The following ARHGAP39 variants were observed in gnomAD, a reference collection of about 807,000 sequenced individuals.
ARHGAP39 encodes the protein rho GTPase-activating protein 39.
ARHGAP39 carries 44 observed loss-of-function variants against 106.9 expected under a neutral mutation model. The ratio of observed to expected loss-of-function variants is 0.41; its 90% CI spans 0.32 to 0.53. ARHGAP39 has a LOEUF of 0.53. ARHGAP39 is among the 20% of genes least tolerant of loss of function. The pLI is 0.21. For missense variants in ARHGAP39, 1,496 were observed against 1,577.3 expected (o/e 0.95, Z 0.87); for synonymous variants, 768 against 693.2 (o/e 1.11, Z -1.69).
intron 6 of ARHGAP39, among the ~76,000 whole-genome samples, chr8:144,538,949 C>A (rs1817075032): frequency 6.7e-6 from 1 of 148,474 alleles, no homozygotes; most frequent in Non-Finnish European, 1.5e-5. Flanking sequence ...CCAGCCTTGG[C>A]CACTGGGAAC....
intron 3 of ARHGAP39, among the ~76,000 whole-genome samples, chr8:144,569,332 A>G (rs1168437980): frequency 6.6e-6 from 1 of 152,260 alleles, no homozygotes; most frequent in African/African-American, 2.4e-5. Context: ...ATGTATGTCC[A>G]AACAAAGACT....
At chr8:144,536,043 C>A (rs1392701320) in intron 7 of ARHGAP39, among the ~76,000 whole-genome samples, 1 of 152,132 alleles carries the variant, frequency 6.6e-6, no homozygotes, top group East Asian at 1.9e-4. Context: ...CAGGGCCAGG[C>A]ACCAAGGTGT....
the ARHGAP39 span, among the ~76,000 whole-genome samples, chr8:144,693,471 T>G: frequency 1.3e-5 from 2 of 152,188 alleles, no homozygotes; most frequent in African/African-American, 2.4e-5. Context: ...CCTCCCGGGT[T>G]CATGCCATTC....
At chr8:144,654,011 C>A (rs1038645266) in intron 1 of ARHGAP39, among the ~76,000 whole-genome samples, 1 of 152,190 alleles carries the variant, frequency 6.6e-6, no homozygotes, top group Non-Finnish European at 1.5e-5. Context: ...TCTGGACTGC[C>A]GGACACGAGC....
intron 7 of ARHGAP39, 30 bp downstream of exon 7, chr8:144,537,691 G>A (rs1050306795): frequency 7.6e-6 from 12 of 1,588,620 alleles, no homozygotes; most frequent in South Asian, 4.4e-5. Flanking sequence ...TGCAGACGCC[G>A]CGCCCAGGGG....
In ARHGAP39 at chr8:144,652,631, C is replaced by T. The variant is rs555022682; in HGVS notation, c.-82+33055G>A. Among the ~76,000 whole-genome samples, 7 of 152,264 alleles carry T rather than the reference C, an allele frequency of 4.6e-5. No homozygotes were observed. In the East Asian group the frequency reaches 1.3e-3, roughly 29 times the overall value. On this transcript the variant is annotated intron_variant, in intron 1 of 11. Transcript: ENST00000377307. ...GCAGGAACATGGATGGAGCTGGAGG[C>T]TATTCTCCTTAGCAAACTAACACAG...
chr8:144,598,478 C>T (rs568969826), intron 2 of ARHGAP39, among the ~76,000 whole-genome samples: 54 of 152,334 alleles, frequency 3.5e-4, no homozygotes, highest in African/African-American at 1.3e-3. Context: ...CAGGACCAGA[C>T]AGACGGGCAG....
intron 8 of ARHGAP39, among the ~76,000 whole-genome samples, chr8:144,533,921 C>T (rs1247804114): frequency 1.3e-5 from 2 of 152,194 alleles, no homozygotes; most frequent in South Asian, 4.1e-4. Flanking sequence ...GCTGGGGGTC[C>T]GGGCCCAGGA....
chr8:144,663,032 C>G (rs1447779747), intron 1 of ARHGAP39, among the ~76,000 whole-genome samples: 1 of 150,384 alleles, frequency 6.6e-6, no homozygotes, highest in Non-Finnish European at 1.5e-5. Context: ...CGCTCCTCAC[C>G]TCCCCATTAT....
chr8:144,534,140 C>G lies in ARHGAP39; in HGVS notation c.2677G>C (p.Gly893Arg). 1 of 1,613,050 alleles carries G rather than the reference C, an allele frequency of 6.2e-7. No homozygotes were observed. The highest frequency in any genetic ancestry group is 1.1e-5 in the South Asian group (1 of 91,050). Residue 893 changes from glycine (G) to arginine (R), a missense_variant, in exon 8 of 12, where the codon GGG becomes CGG. Transcript: ENST00000377307. ...YHKLQKAALT[G>R]AKKGLKKPNV... Reference sequence around the variant, plus strand: ...AGGCGCACCCGTACCTTCTTGGCCCCGGTCAGGGCTGCCTTCTGTAGCTTG... The same window carrying G: ...AGGCGCACCCGTACCTTCTTGGCCCGGGTCAGGGCTGCCTTCTGTAGCTTG...
At chr8:144,630,235 T>A (rs922659613) in intron 1 of ARHGAP39, among the ~76,000 whole-genome samples, 42 of 152,118 alleles carry the variant, frequency 2.8e-4, no homozygotes, top group African/African-American at 1.0e-3. Context: ...CCACAACTCA[T>A]GTGCTCGCCC....
chr8:144,655,348 T>A (rs1161863581), intron 1 of ARHGAP39, among the ~76,000 whole-genome samples: 1 of 152,122 alleles, frequency 6.6e-6, no homozygotes. Flanking sequence ...GACAACCAGC[T>A]GAAGAGAGGA....
At chr8:144,534,232 A>ATGTGGGTG (rs760233362) in intron 7 of ARHGAP39, 30 bp from the exon 8 acceptor site, 154 of 1,610,270 alleles carry the variant, frequency 9.6e-5, no homozygotes, top group Middle Eastern at 8.3e-4. Flanking sequence ...GATCAGCCTG[A>ATGTGGGTG]TGTGGGTGTG....
At position 144,670,204 on chromosome 8, in the gene ARHGAP39, G is replaced by A. The variant is rs1046873677; in HGVS notation, c.-82+15482C>T. Among the ~76,000 whole-genome samples the A allele has an allele frequency of 1.3e-5, 2 of 152,206 alleles. No homozygotes were observed. Among genetic ancestry groups the A allele is most frequent in the Non-Finnish European group, 2.9e-5 (2 of 67,996 alleles). On this transcript the variant is annotated intron_variant, in intron 1 of 11. Transcript: ENST00000377307. This position sits in a 1 kb window ranked among gnomAD's most constrained non-coding sequence, Gnocchi z 4.4. ...GCGGCTGTAAAAAGCAACAGAGCTCGGACGCATGCTAGAGCGTACCGGGAA... is the reference window on the plus strand; with the variant it reads ...GCGGCTGTAAAAAGCAACAGAGCTCAGACGCATGCTAGAGCGTACCGGGAA...
Position 144,596,986 on chromosome 8 carries a change from T to C in ARHGAP39, c.80+8549A>G, listed in dbSNP as rs145553754. ...GAAGGGCAAGGCAGGTCTAACGCCA[T>C]GAGATGGAGTCCCAACAGCAGAGGC... On this transcript the variant is annotated intron_variant, in intron 2 of 11. Coordinates refer to ENST00000377307, the MANE Select transcript of ARHGAP39 (RefSeq NM_025251.3). Among the ~76,000 whole-genome samples, 279 of 152,276 alleles carry C rather than the reference T, an allele frequency of 1.8e-3. 1 individual carries two copies. Among genetic ancestry groups the C allele is most frequent in the African/African-American group, 6.5e-3 (271 of 41,556 alleles).
chr8:144,586,444 G>GCC lies in ARHGAP39; in HGVS notation c.81-5169_81-5168dup, dbSNP rs1448950962. The GCC allele has an allele frequency of 6.6e-6, 1 of 152,484 alleles. No individual in the cohort carries two copies. Among genetic ancestry groups the GCC allele is most frequent in the Non-Finnish European group, 1.5e-5 (1 of 68,228 alleles). 9.4% of individuals were successfully genotyped at this position (152,484 alleles called of 1,614,324 possible). ...CTCTCTCCTCTGCCCCACAGGGTGT[G>GCC]CCGAGGACACCCCCAGTGTCTTCCA... On this transcript the variant is annotated intron_variant, in intron 2 of 11. Coordinates refer to ENST00000377307, the MANE Select transcript of ARHGAP39 (RefSeq NM_025251.3). This position sits in a 1 kb window ranked among gnomAD's most constrained non-coding sequence, Gnocchi z 4.2.
At chr8:144,651,698 C>G (rs557426971) in intron 1 of ARHGAP39, among the ~76,000 whole-genome samples, 1 of 152,054 alleles carries the variant, frequency 6.6e-6, no homozygotes, top group African/African-American at 2.4e-5. Flanking sequence ...TAGAGAGACT[C>G]TGTCTCAAAA....
At chr8:144,540,001 C>T (rs1817124987) in intron 6 of ARHGAP39, among the ~76,000 whole-genome samples, 1 of 152,198 alleles carries the variant, frequency 6.6e-6, no homozygotes, top group African/African-American at 2.4e-5. Flanking sequence ...AACAGTATTG[C>T]CTTCTGATTC....
chr8:144,595,487 ACTGTT>A (rs1053646676), intron 2 of ARHGAP39, among the ~76,000 whole-genome samples: 1 of 152,032 alleles, frequency 6.6e-6, no homozygotes, highest in Non-Finnish European at 1.5e-5. Flanking sequence ...CACAACTCTG[ACTGTT>A]CTAAGAGCCA....
Sources: allele counts gnomAD v4.1 joint callset (sites outside exome capture counted in the v4.1 genomes callset), GRCh38; gene constraint gnomAD v4.1.1; non-coding constraint Gnocchi (gnomAD v3.1); transcripts MANE v1.5; gene names NCBI Gene and HGNC (gene_info 2026-07-23, HGNC 2026-07-21).